The following PLEKHG1 variants were observed in gnomAD, a reference collection of about 807,000 sequenced individuals.
PLEKHG1 encodes pleckstrin homology and RhoGEF domain containing G1.
In PLEKHG1, 44 loss-of-function variants were observed where a neutral mutation model predicts 100.8. The observed-to-expected ratio is 0.44, with a 90% CI of 0.34 to 0.56. PLEKHG1 has a LOEUF of 0.56. PLEKHG1 is among the 20% of genes least tolerant of loss of function. The pLI is 0.01. For synonymous variants in PLEKHG1, 640 were observed against 662.5 expected, an observed-to-expected ratio of 0.97 and a Z score of 0.52; for missense variants, 1,545 against 1,720.9, an observed-to-expected ratio of 0.90 and a Z score of 1.81.
At chr6:150,818,325 C>T (rs1776104065) in intron 11 of PLEKHG1, 109 bp downstream of exon 12, 2 of 843,416 alleles carry the variant, frequency 2.4e-6, no homozygotes, top group Non-Finnish European at 3.9e-6. Context: ...AATAGTATCT[C>T]TCTATTCACT....
chr6:150,721,702 A>G (rs1781682655), intron 1 of PLEKHG1, among the ~76,000 whole-genome samples: 1 of 152,228 alleles, frequency 6.6e-6, no homozygotes, highest in Non-Finnish European at 1.5e-5. Context: ...AAAGTTGCCT[A>G]AGAAAATGCA....
chr6:150,663,987 A>T (rs1398826323), intron 3 of PLEKHG1: 1 of 152,216 alleles, frequency 6.6e-6, no homozygotes, highest in Non-Finnish European at 1.5e-5. Flanking sequence ...TCTTACTCAA[A>T]TTTGGTAAAA....
chr6:150,824,279 T>C (rs1418115222), intron 14 of PLEKHG1, among the ~76,000 whole-genome samples: 4 of 152,176 alleles, frequency 2.6e-5, no homozygotes, highest in Non-Finnish European at 5.9e-5. Flanking sequence ...GAAGAATAGG[T>C]ATTTTCTCCT....
At chr6:150,738,933 G>A (rs1007029080) in intron 2 of PLEKHG1, among the ~76,000 whole-genome samples, 4 of 152,188 alleles carry the variant, frequency 2.6e-5, no homozygotes, top group African/African-American at 7.2e-5. Flanking sequence ...AATTTGTGGA[G>A]AGATAGAAAT....
rs530652143 is a variant in PLEKHG1 at position 150,724,603 on chromosome 6, A to C, written c.-99+3403A>C. Among the ~76,000 whole-genome samples, 4 of 127,116 alleles carry C rather than the reference A, an allele frequency of 3.1e-5. No individual in the cohort carries two copies. The Admixed American group carries it at 4.1e-4, about 13-fold the overall frequency. The allele number at this position is 127,116 out of a possible 152,430, so 83.4% of individuals were successfully genotyped here. On this transcript the variant is annotated intron_variant, in intron 1 of 15. Transcript: ENST00000358517. ...GAGATGGAGTTTCAGTCTGTCACCC[A>C]GGCTGGAGTGAAGTGGTGTGATCTC...
At chr6:150,603,461 C>T (rs1458408184) in intron 1 of PLEKHG1, among the ~76,000 whole-genome samples, 1 of 152,152 alleles carries the variant, frequency 6.6e-6, no homozygotes, top group African/African-American at 2.4e-5. Context: ...GCAATAAATG[C>T]TTTAGCTGAG....
chr6:150,764,776 T>A (rs770137804), intron 2 of PLEKHG1, among the ~76,000 whole-genome samples: 1 of 152,170 alleles, frequency 6.6e-6, no homozygotes, highest in African/African-American at 2.4e-5. Flanking sequence ...CACCCTCACC[T>A]TCCCTGTGAA....
At chr6:150,804,512 TA>T in intron 6 of PLEKHG1, 97 bp from the exon 8 acceptor site, 1 of 1,010,360 alleles carries the variant, frequency 9.9e-7, no homozygotes, top group Non-Finnish European at 1.4e-6. Flanking sequence ...TAAGCAAAAA[TA>T]AAATATAAGG....
At chr6:150,718,856 A>G (rs1460293056), upstream of PLEKHG1, among the ~76,000 whole-genome samples, 1 of 151,532 alleles carries the variant, frequency 6.6e-6, no homozygotes, top group Non-Finnish European at 1.5e-5. Context: ...TAATTTATTC[A>G]AGCAAATACT....
intron 2 of PLEKHG1, among the ~76,000 whole-genome samples, chr6:150,638,317 A>C (rs181694239): frequency 1.3e-5 from 2 of 152,100 alleles, no homozygotes; most frequent in Non-Finnish European, 2.9e-5. Flanking sequence ...CTGTGCTCTC[A>C]TGTCGTTTTT....
At chr6:150,765,591 G>C (rs978442241) in intron 2 of PLEKHG1, among the ~76,000 whole-genome samples, 1 of 152,044 alleles carries the variant, frequency 6.6e-6, no homozygotes, top group Admixed American at 6.6e-5. Flanking sequence ...AATAAGGTAA[G>C]CTCTGAAGGG....
At chr6:150,649,643 G>A (rs1312094405) in intron 2 of PLEKHG1, among the ~76,000 whole-genome samples, 1 of 152,192 alleles carries the variant, frequency 6.6e-6, no homozygotes, top group East Asian at 1.9e-4. Flanking sequence ...TTGGGAGGCC[G>A]AGGCGGGCAG....
intron 15 of PLEKHG1, among the ~76,000 whole-genome samples, chr6:150,836,208 C>T (rs1443013386): frequency 6.6e-6 from 1 of 152,020 alleles, no homozygotes; most frequent in Non-Finnish European, 1.5e-5. Flanking sequence ...GAAATCTCGT[C>T]TCTACTAAAA....
chr6:150,716,107 C>CAAA (rs10592056), upstream of PLEKHG1, among the ~76,000 whole-genome samples: 4 of 137,304 alleles, frequency 2.9e-5, no homozygotes, highest in South Asian at 4.8e-4. Flanking sequence ...GACTCCGTCT[C>CAAA]AAAAAAAAAA....
intron 13 of PLEKHG1, 79 bp downstream of exon 14, chr6:150,821,312 C>T (rs1248221587): frequency 2.2e-6 from 2 of 901,326 alleles, no homozygotes; most frequent in Non-Finnish European, 3.6e-6. Context: ...AAATAAATAC[C>T]AGATAAATTA....
intron 4 of PLEKHG1, among the ~76,000 whole-genome samples, chr6:150,793,361 C>T (rs1017650393): frequency 6.6e-6 from 1 of 152,122 alleles, no homozygotes; most frequent in African/African-American, 2.4e-5. Context: ...GTGACCACCA[C>T]TGTACTCCAG....
chr6:150,613,260 C>T (rs570349201), intron 1 of PLEKHG1, among the ~76,000 whole-genome samples: 167 of 152,284 alleles, frequency 1.1e-3, no homozygotes, highest in South Asian at 3.3e-3. Flanking sequence ...TCAAAGAAGT[C>T]CTACTGACCA....
intron 3 of PLEKHG1, among the ~76,000 whole-genome samples, chr6:150,770,326 C>T (rs1221845849): frequency 3.9e-5 from 6 of 152,200 alleles, no homozygotes; most frequent in African/African-American, 1.4e-4. Context: ...ACAAGCCTGA[C>T]CTCTGGGAGA....
Position 150,753,841 on chromosome 6 carries a change from G to C in PLEKHG1, c.412-14797G>C, listed in dbSNP as rs80051421. On this transcript the variant is annotated intron_variant, in intron 2 of 15. Coordinates refer to ENST00000358517, the Ensembl canonical transcript of PLEKHG1. ...GGAGCAAGGGAGGAATGTTGGGCTG[G>C]GTCAAGATTCTGTACAGCCCTCGCC... Among the ~76,000 whole-genome samples the C allele has an allele frequency of 6.3e-4, 96 of 152,272 alleles. No homozygotes were observed. The East Asian group carries it at 0.018, about 29-fold the overall frequency.
Sources: gnomAD v4.1 joint callset for allele counts (sites outside exome capture counted in the v4.1 genomes callset) on GRCh38, gnomAD v4.1.1 for gene constraint, MANE v1.5 for transcripts, NCBI Gene and HGNC (gene_info 2026-07-23, HGNC 2026-07-21) for gene names.